Variants in ETHE1 observed in about 807,000 individuals in gnomAD.
ETHE1 encodes ETHE1 persulfide dioxygenase.
Under a neutral mutation model 25.7 loss-of-function variants are expected in ETHE1, and 16 were observed. The ratio of observed to expected loss-of-function variants is 0.62; its 90% confidence interval spans 0.42 to 0.95. ETHE1 has a LOEUF of 0.95. Among genes scored for constraint, ETHE1 ranks in the 40% least tolerant of loss-of-function variants. ETHE1 has a pLI of 0.00. For synonymous variants in ETHE1, 139 were observed against 135.9 expected, an observed-to-expected ratio of 1.02 and a Z score of -0.16; for missense variants, 300 against 333.6, an observed-to-expected ratio of 0.90 and a Z score of 0.79.
intron 4 of ETHE1, among the ~76,000 whole-genome samples, chr19:43,510,136 C>T (rs1971880720): frequency 6.6e-6 from 1 of 152,118 alleles, no homozygotes; most frequent in South Asian, 2.1e-4. Context: ...CCCCACAAGA[C>T]AGCTAAATTC....
chr19:43,515,465 A>C (rs1259012065), intron 3 of ETHE1, among the ~76,000 whole-genome samples: 1 of 151,996 alleles, frequency 6.6e-6, no homozygotes, highest in Non-Finnish European at 1.5e-5. Flanking sequence ...CTCAGAGTGG[A>C]AAATGATATT....
chr19:43,518,165 A>C (rs988101728), intron 3 of ETHE1, among the ~76,000 whole-genome samples: 10 of 151,892 alleles, frequency 6.6e-5, no homozygotes, highest in African/African-American at 9.7e-5. Flanking sequence ...CACACACACA[A>C]AAGAGACTAA....
intron 2 of ETHE1, 62 bp from the exon 3 acceptor site, chr19:43,526,411 G>A: frequency 6.2e-7 from 1 of 1,609,486 alleles, no homozygotes; most frequent in Non-Finnish European, 8.5e-7. Flanking sequence ...TCCCAGCCCA[G>A]ATCCTTCTCC....
At chr19:43,511,306 A>T in intron 4 of ETHE1, 131 bp downstream of exon 4, 1 of 1,408,340 alleles carries the variant, frequency 7.1e-7, no homozygotes, top group Non-Finnish European at 9.8e-7. Flanking sequence ...TAGCAGGTAA[A>T]CTCCTTGAAT....
intron 3 of ETHE1, 155 bp downstream of exon 3, chr19:43,526,045 GC>G (rs1217619510): frequency 8.8e-7 from 1 of 1,130,590 alleles, no homozygotes; most frequent in Non-Finnish European, 1.3e-6. Flanking sequence ...GGTTTATGGT[GC>G]CCCCCTCCCA....
intron 2 of ETHE1, 57 bp downstream of exon 2, chr19:43,526,458 C>A: frequency 6.2e-7 from 1 of 1,602,600 alleles, no homozygotes; most frequent in Non-Finnish European, 8.5e-7. Context: ...GCTTCCCATT[C>A]CACTGACGCT....
intron 4 of ETHE1, 89 bp downstream of exon 4, chr19:43,511,348 C>T (rs1327941155): frequency 5.0e-6 from 8 of 1,584,618 alleles, no homozygotes; most frequent in Non-Finnish European, 6.9e-6. Flanking sequence ...AGTCTAATGT[C>T]CATCCATTCA....
intron 3 of ETHE1, among the ~76,000 whole-genome samples, chr19:43,512,744 GA>G (rs199844755): frequency 7.5e-5 from 6 of 79,880 alleles, no homozygotes; most frequent in South Asian, 4.4e-4. Context: ...CAATGTGATA[GA>G]AAAAAAAACC....
chr19:43,526,341 G>T lies in ETHE1; in HGVS notation c.235C>A (p.His79Asn). The change falls in exon 3 of 7, where the codon CAC becomes AAC. Residue 79 changes from histidine to asparagine, a missense_variant. By Grantham distance (68) the His-to-Asn change is moderately conservative. Transcript: ENST00000292147. ...GLRLLYAVNT[H>N]CHADHITGSG... ...CCTGTAATGTGGTCCGCGTGGCAGT[G>T]GGTATTCACTGGGAGAGAGAGGAGG... 3.1e-6 allele frequency: 5 copies of T among 1,614,168 alleles called. No homozygotes were observed. The highest frequency in any genetic ancestry group is 4.2e-6 in the Non-Finnish European group (5 of 1,180,032).
rs891910195 is a variant in ETHE1, at chr19:43,522,823, T to C, written c.375+3378A>G. Among the ~76,000 whole-genome samples, 15 of 152,298 alleles carry C rather than the reference T, an allele frequency of 9.8e-5. No homozygotes were observed. In the East Asian group the frequency reaches 2.7e-3, roughly 27 times the overall value. On this transcript the variant is annotated intron_variant, in intron 3 of 6. Coordinates refer to ENST00000292147, the MANE Select transcript of ETHE1 (RefSeq NM_014297.5). ...ATAAAGTCTTATTAGAACACAGCCATGCCTATTCATTTATGCAGTGTCTGT... is the reference window on the plus strand; with the variant it reads ...ATAAAGTCTTATTAGAACACAGCCACGCCTATTCATTTATGCAGTGTCTGT...
chr19:43,526,606 G>A lies in ETHE1; in HGVS notation c.135C>T (p.Ser45=). ...CTGGGTCGATCAGAACGGCCTCCCG[G>A]GACTCTCTGTCACCCAGCAGGTACG... ...TFTYLLGDRE[S]REAVLIDPVL... The change falls in exon 2 of 7, where the codon TCC becomes TCT. Residue 45 remains serine (S), a synonymous_variant. Coordinates refer to ENST00000292147, the MANE Select transcript of ETHE1 (RefSeq NM_014297.5). 1.2e-6 allele frequency: 2 copies of A among 1,614,090 alleles called. No homozygotes were observed. The highest frequency in any genetic ancestry group is 1.3e-5 in the African/African-American group (1 of 75,022).
Position 43,526,565 on chromosome 19 carries a change from G to A in ETHE1, c.176C>T (p.Pro59Leu). The A allele has an allele frequency of 1.2e-6, 2 of 1,614,038 alleles. No individual in the cohort carries two copies. The highest frequency in any genetic ancestry group is 1.7e-6 in the Non-Finnish European group (2 of 1,179,974). Residue 59 changes from proline to leucine, a missense_variant, in exon 2 of 7, where the codon CCT (proline) becomes CTT (leucine). Transcript: ENST00000292147. ...CTCCTTGATCAGCTGGGCATCCCGA[G>A]GCGCTGTTTCCAGGACTGGGTCGAT... ...VLIDPVLETA[P>L]RDAQLIKELG...
At chr19:43,526,999 G>A in intron 1 of ETHE1, 98 bp downstream of exon 1, 1 of 1,535,206 alleles carries the variant, frequency 6.5e-7, no homozygotes, top group Non-Finnish European at 8.7e-7. Flanking sequence ...ATGCAGGCGT[G>A]GGTCCCCCCG....
intron 3 of ETHE1, 95 bp downstream of exon 3, chr19:43,526,106 C>A (rs1972238181): frequency 6.3e-7 from 1 of 1,586,538 alleles, no homozygotes; most frequent in South Asian, 1.1e-5. Flanking sequence ...TCCCTCCTCC[C>A]CAAGGACTCA....
intron 3 of ETHE1, among the ~76,000 whole-genome samples, chr19:43,522,837 T>C (rs1972162582): frequency 1.3e-5 from 2 of 152,236 alleles, no homozygotes; most frequent in South Asian, 4.1e-4. Context: ...TATTCATTTA[T>C]GCAGTGTCTG....
intron 5 of ETHE1, among the ~76,000 whole-genome samples, 165 bp from the exon 6 acceptor site, chr19:43,508,225 TC>T (rs1971834647): frequency 6.6e-6 from 1 of 151,952 alleles, no homozygotes; most frequent in Non-Finnish European, 1.5e-5. Flanking sequence ...AATTTAGTTT[TC>T]CCCCAGTTCC....
At chr19:43,523,629 C>A (rs1972180182) in intron 3 of ETHE1, among the ~76,000 whole-genome samples, 1 of 152,032 alleles carries the variant, frequency 6.6e-6, no homozygotes, top group East Asian at 1.9e-4. Context: ...GAAAAATGGA[C>A]CCCCATCTCC....
intron 3 of ETHE1, among the ~76,000 whole-genome samples, chr19:43,514,849 C>T (rs953217317): frequency 1.3e-5 from 2 of 152,036 alleles, no homozygotes; most frequent in African/African-American, 4.8e-5. Context: ...AAATGTGATA[C>T]CTAAAGTGAT....
At chr19:43,517,524 C>A (rs954431006) in intron 3 of ETHE1, among the ~76,000 whole-genome samples, 2 of 149,520 alleles carry the variant, frequency 1.3e-5, no homozygotes, top group Non-Finnish European at 3.0e-5. Context: ...CTCGCCTAAT[C>A]GCGACACTTT....
Sources: gnomAD v4.1 joint callset for allele counts (sites outside exome capture counted in the v4.1 genomes callset) on GRCh38, gnomAD v4.1.1 for gene constraint, MANE v1.5 for transcripts, NCBI Gene and HGNC (gene_info 2026-07-23, HGNC 2026-07-21) for gene names.